CNGB3: variants seen among roughly 807,000 people sequenced by gnomAD.
CNGB3 encodes cyclic nucleotide gated channel subunit beta 3.
A neutral mutation model predicts 92.8 loss-of-function variants in CNGB3; 86 were observed. The ratio of observed to expected loss-of-function variants is 0.93; its 90% CI spans 0.78 to 1.11. CNGB3 has a LOEUF of 1.11. CNGB3 is among the 50% of genes least tolerant of loss of function. CNGB3 has a pLI of 0.00. For synonymous variants in CNGB3, 333 were observed against 332.7 expected, an observed-to-expected ratio of 1.00 and a Z score of -0.01; for missense variants, 1,026 against 956.8, an observed-to-expected ratio of 1.07 and a Z score of -0.95.
chr8:86,717,159 G>GA lies in CNGB3; in HGVS notation c.338+9371dup, dbSNP rs200412580. ...AATGGTAGAAGGACTAGTCCAAGAG[G>GA]AAAATACCACAATCCTAAATATATA... On this transcript the variant is annotated intron_variant, in intron 3 of 17. Coordinates refer to ENST00000320005, the MANE Select transcript of CNGB3 (RefSeq NM_019098.5). Among the ~76,000 whole-genome samples the GA allele has an allele frequency of 8.9e-3, 1,353 of 152,164 alleles. 21 individuals carry two copies. The highest frequency in any genetic ancestry group is 0.031 in the African/African-American group (1,275 of 41,498).
intron 8 of CNGB3, among the ~76,000 whole-genome samples, chr8:86,645,961 A>C (rs1823286314): frequency 6.6e-6 from 1 of 151,306 alleles, no homozygotes; most frequent in East Asian, 1.9e-4. Context: ...TGAATGGACT[A>C]TGGGGCTTTG....
intron 3 of CNGB3, among the ~76,000 whole-genome samples, chr8:86,720,650 T>G (rs983765333): frequency 1.3e-5 from 2 of 152,056 alleles, no homozygotes; most frequent in Non-Finnish European, 2.9e-5. Context: ...CTACTAGGTA[T>G]CTACCCGGAG....
chr8:86,684,120 G>A (rs1039796216), intron 3 of CNGB3, among the ~76,000 whole-genome samples: 17 of 152,032 alleles, frequency 1.1e-4, no homozygotes, highest in Admixed American at 1.0e-3. Context: ...TAGTATCTAG[G>A]ATATAAAGAA....
rs562825179 is a variant in CNGB3, at chr8:86,634,608, G to C, written c.1179-1715C>G. Among the ~76,000 whole-genome samples, 37 of 152,024 alleles carry C rather than the reference G, an allele frequency of 2.4e-4. 1 individual carries two copies. In the South Asian group the frequency reaches 7.7e-3, roughly 32 times the overall value. ...GTCATTTATATAAAGAACGTCTCCA[G>C]GTTTTGTTACAGAGGGACATTAAGA... On this transcript the variant is annotated intron_variant, in intron 10 of 17. Coordinates refer to ENST00000320005, the MANE Select transcript of CNGB3 (RefSeq NM_019098.5).
intron 13 of CNGB3, among the ~76,000 whole-genome samples, chr8:86,613,450 C>G (rs1205101502): frequency 6.6e-6 from 1 of 152,078 alleles, no homozygotes; most frequent in African/African-American, 2.4e-5. Flanking sequence ...GGCAAATAGA[C>G]TTTGGATTGA....
intron 8 of CNGB3, 63 bp from the exon 9 acceptor site, chr8:86,644,749 A>C: frequency 9.4e-7 from 1 of 1,067,202 alleles, no homozygotes; most frequent in Non-Finnish European, 1.2e-6. Flanking sequence ...ATTTAAATAA[A>C]ACTATATGAA....
At chr8:86,672,028 A>C (rs935263219) in intron 3 of CNGB3, among the ~76,000 whole-genome samples, 1 of 152,154 alleles carries the variant, frequency 6.6e-6, no homozygotes, top group Non-Finnish European at 1.5e-5. Flanking sequence ...AAATCACTTA[A>C]GTATGTGGTA....
intron 10 of CNGB3, among the ~76,000 whole-genome samples, chr8:86,642,451 T>C (rs1823208141): frequency 6.6e-6 from 1 of 151,780 alleles, no homozygotes; most frequent in Non-Finnish European, 1.5e-5. Flanking sequence ...CTTCTGACTT[T>C]AAATTCTTTA....
chr8:86,709,121 A>G (rs7814749), intron 3 of CNGB3, among the ~76,000 whole-genome samples: 104,602 of 152,034 alleles, frequency 0.69, 36,716 homozygotes, highest in African/African-American at 0.83. Flanking sequence ...GAAAGAAAGG[A>G]TGCAATTGCC....
At chr8:86,695,191 C>T (rs1416677772) in intron 3 of CNGB3, among the ~76,000 whole-genome samples, 2 of 152,118 alleles carry the variant, frequency 1.3e-5, no homozygotes, top group Non-Finnish European at 1.5e-5. Context: ...AGGCACTCGG[C>T]AGGCACTCGG....
At chr8:86,677,729 ATGCTGCACATAAAG>A (rs1465171283) in intron 3 of CNGB3, among the ~76,000 whole-genome samples, 1 of 152,166 alleles carries the variant, frequency 6.6e-6, no homozygotes, top group East Asian at 1.9e-4. Flanking sequence ...GTGGCATCTT[ATGCTGCACATAAAG>A]TGAGTAGGAT....
chr8:86,705,121 A>G (rs573005987), intron 3 of CNGB3, among the ~76,000 whole-genome samples: 2 of 152,254 alleles, frequency 1.3e-5, no homozygotes, highest in East Asian at 3.9e-4. Flanking sequence ...GGAGAAGCAA[A>G]TTGCCTAGGA....
At chr8:86,661,850 C>T in intron 6 of CNGB3, 1 of 1,320,148 alleles carries the variant, frequency 7.6e-7, no homozygotes, top group Non-Finnish European at 1.1e-6. Context: ...CTGGACGTTC[C>T]AGAACTGATG....
At chr8:86,619,336 C>T (rs993207763) in intron 13 of CNGB3, among the ~76,000 whole-genome samples, 1 of 152,090 alleles carries the variant, frequency 6.6e-6, no homozygotes, top group Admixed American at 6.6e-5. Context: ...GGGGAAATTG[C>T]CCATCTCATA....
intron 14 of CNGB3, among the ~76,000 whole-genome samples, chr8:86,605,372 G>A (rs16916102): frequency 0.026 from 4,015 of 152,108 alleles, 96 homozygotes; most frequent in East Asian, 0.071. Flanking sequence ...ACTCTAAATA[G>A]GCCAGATTGC....
rs538894142 is a variant in CNGB3, at chr8:86,733,093, C to G, written c.212-6436G>C. ...TAGTTAGTTTTTCAACTCTTCCCCC[C>G]ACCTTCCTCCCTCTAGTAGCCTGCA... On this transcript the variant is annotated intron_variant, in intron 2 of 17. Coordinates refer to ENST00000320005, the MANE Select transcript of CNGB3 (RefSeq NM_019098.5). Among the ~76,000 whole-genome samples, 30 of 152,168 alleles carry G rather than the reference C, an allele frequency of 2.0e-4. No homozygotes were observed. In the South Asian group the frequency reaches 6.0e-3, roughly 31 times the overall value.
intron 2 of CNGB3, among the ~76,000 whole-genome samples, chr8:86,735,228 C>T (rs1262648391): frequency 5.6e-5 from 8 of 143,814 alleles, no homozygotes; most frequent in East Asian, 2.0e-4. Flanking sequence ...CTGCAAGCTC[C>T]GCTTCCAGGG....
chr8:86,676,090 C>T (rs1353680943), intron 3 of CNGB3, among the ~76,000 whole-genome samples: 1 of 152,132 alleles, frequency 6.6e-6, no homozygotes, highest in South Asian at 2.1e-4. Flanking sequence ...AGAAAGAGAA[C>T]ATTTATAAGA....
intron 6 of CNGB3, 64 bp from the exon 7 acceptor site, chr8:86,654,126 T>A: frequency 9.4e-7 from 1 of 1,060,936 alleles, no homozygotes; most frequent in Non-Finnish European, 1.5e-6. Flanking sequence ...TTCTCACTTT[T>A]AAATTTATAA....
Sources: allele counts gnomAD v4.1 joint callset (sites outside exome capture counted in the v4.1 genomes callset), GRCh38; gene constraint gnomAD v4.1.1; transcripts MANE v1.5; gene names NCBI Gene and HGNC (gene_info 2026-07-23, HGNC 2026-07-21).